The following CHP2 variants were observed in gnomAD, a reference collection of about 807,000 sequenced individuals.
The protein encoded by CHP2 is calcineurin like EF-hand protein 2.
A neutral mutation model predicts 24.7 loss-of-function variants in CHP2; 31 were observed. That is an observed-to-expected ratio of 1.26 (90% CI 0.94 to 1.69). CHP2 has a LOEUF of 1.69. Among genes scored for constraint, CHP2 ranks in the 40% most tolerant of loss-of-function variants. The probability of loss-of-function intolerance (pLI) is 0.00; values close to 1 mark genes in which losing one functional copy is unlikely to be tolerated. For missense variants in CHP2, 319 were observed against 261.5 expected, an observed-to-expected ratio of 1.22 and a Z score of -1.52; for synonymous variants, 97 against 99.1, an observed-to-expected ratio of 0.98 and a Z score of 0.13.
In CHP2 at chr16:23,755,121, G is replaced by T; in HGVS notation, c.67+5G>T. ...GTATTCGGCGAGAGACCGGCTGTGA[G>T]TGCGCCCGCGTCGGCGGCTGCGGAG... On this transcript the variant is annotated splice_donor_5th_base_variant and intron_variant, in intron 1 of 6. Coordinates refer to ENST00000300113, the MANE Select transcript of CHP2 (RefSeq NM_022097.4). 6.3e-7 allele frequency: 1 copy of T among 1,597,330 alleles called. No homozygotes were observed. The highest frequency in any genetic ancestry group is 1.4e-5 in the African/African-American group (1 of 73,684).
At position 23,756,083 on chromosome 16, in the gene CHP2, C is replaced by T; in HGVS notation, c.242C>T (p.Pro81Leu). Residue 81 changes from proline (P) to leucine (L), a missense_variant, in exon 4 of 7, where the codon CCA becomes CTA. Pro to Leu is a moderately conservative substitution (Grantham distance 98). Transcript: ENST00000300113. ...FPDGSQRVDF[P>L]GFVRVLAHFR... ...CCCAGGAGCCAGCGAGTGGATTTCC[C>T]AGGCTTTGTCAGGGTCTTGGCTCAT... The T allele has an allele frequency of 3.1e-6, 5 of 1,614,106 alleles. No homozygotes were observed. The highest frequency in any genetic ancestry group is 2.2e-5 in the East Asian group (1 of 44,884).
rs754678193 is a variant in CHP2, at chr16:23,755,851, A to G, written c.145A>G (p.Met49Val). The G allele has an allele frequency of 7.4e-6, 12 of 1,614,032 alleles. No individual in the cohort carries two copies. In the South Asian group the frequency reaches 1.3e-4, roughly 18 times the overall value. The part of the protein sequence containing the change: ...DRNKKGYLSR[M>V]DLQQIGALAV... ...CTTTGAAATTTGGCTTTGCAGCCGC[A>G]TGGATCTCCAGCAGATAGGGGCGCT... The change falls in exon 3 of 7, where the codon ATG (methionine) becomes GTG (valine). Residue 49 changes from methionine (M) to valine (V), a missense_variant. Physicochemically the swap from Met to Val is conservative, Grantham distance 21. Coordinates refer to ENST00000300113, the MANE Select transcript of CHP2 (RefSeq NM_022097.4).
Position 23,755,644 on chromosome 16 carries a change from C to T in CHP2, c.68-17C>T. On this transcript the variant is annotated splice_polypyrimidine_tract_variant and intron_variant, in intron 1 of 6. Transcript: ENST00000300113. Reference sequence around the variant, plus strand: ...CCTGCAGAGTCACACACCCCCACCCCACTCTCCTTCCCGCAGTCTCCCAAG... The same window carrying T: ...CCTGCAGAGTCACACACCCCCACCCTACTCTCCTTCCCGCAGTCTCCCAAG... 6.2e-7 allele frequency: 1 copy of T among 1,612,658 alleles called. No individual in the cohort carries two copies. Among genetic ancestry groups the T allele is most frequent in the South Asian group, 1.1e-5 (1 of 91,064 alleles).
intron 2 of CHP2, 32 bp downstream of exon 2, chr16:23,755,765 C>A (rs766102117): frequency 6.2e-7 from 1 of 1,613,154 alleles, no homozygotes. Context: ...AACTTCTGGC[C>A]TCTGTCTCTC....
Position 23,757,327 on chromosome 16 carries a change from A to G in CHP2, c.537+4A>G. On this transcript the variant is annotated splice_donor_region_variant and intron_variant, in intron 6 of 6. Transcript: ENST00000300113. ...GTCCTTCGTGGAGTTCACCAAGGTC[A>G]GAGTGCCCTTGGGGATTGGGGAGTT... 1 of 1,609,118 alleles carries G rather than the reference A, an allele frequency of 6.2e-7. No homozygotes were observed. Among genetic ancestry groups the G allele is most frequent in the South Asian group, 1.1e-5 (1 of 90,434 alleles).
chr16:23,755,163 AG>A, intron 1 of CHP2, 47 bp downstream of exon 1: 1 of 1,439,632 alleles, frequency 6.9e-7, no homozygotes, highest in Non-Finnish European at 9.6e-7. Context: ...GGGCGAACCC[AG>A]GCGTCTGGGG....
intron 4 of CHP2, 89 bp from the exon 5 acceptor site, chr16:23,756,299 C>G (rs1003991440): frequency 1.9e-6 from 3 of 1,584,762 alleles, no homozygotes; most frequent in Admixed American, 1.7e-5. Context: ...CAACCTCCCC[C>G]CTCCTCCAAG....
At chr16:23,756,354 C>A in intron 4 of CHP2, 34 bp from the exon 5 acceptor site, 1 of 1,603,508 alleles carries the variant, frequency 6.2e-7, no homozygotes, top group Non-Finnish European at 8.5e-7. Flanking sequence ...CAGGGAAGAC[C>A]TACCTTCCTT....
rs1038806608 is a variant in CHP2, at chr16:23,758,221, C to T, written c.*638C>T. 3 of 153,162 alleles carry T rather than the reference C, an allele frequency of 2.0e-5. No homozygotes were observed. The highest frequency in any genetic ancestry group is 4.4e-5 in the Non-Finnish European group (3 of 68,700). The allele number at this position is 153,162 out of a possible 1,614,324, so 9.5% of individuals were successfully genotyped here. A position where few individuals can be genotyped will look rare whatever the true frequency, so the allele number is the denominator to read the frequency against. On this transcript the variant is annotated 3_prime_UTR_variant, in exon 7 of 7. Transcript: ENST00000300113. ...CCCGGTTCCTAACAGACCACAGACC[C>T]CACACCAGGTCTATCTCATTTGGTC...
intron 2 of CHP2, 44 bp downstream of exon 2, chr16:23,755,777 G>A: frequency 6.2e-7 from 1 of 1,613,384 alleles, no homozygotes; most frequent in Admixed American, 1.7e-5. Context: ...CTGTCTCTCT[G>A]ACTCCATGTC....
chr16:23,757,406 C>A, intron 6 of CHP2, 83 bp downstream of exon 6: 1 of 1,585,862 alleles, frequency 6.3e-7, no homozygotes, highest in African/African-American at 1.3e-5. Context: ...CGGAGGAGGG[C>A]GGAAAGATAG....
At position 23,755,899 on chromosome 16, in the gene CHP2, C is replaced by G. The variant is rs267604473; in HGVS notation, c.193C>G (p.Arg65Gly). ...GALAVNPLGD[R>G]IIESFFPDGS... ...GCTCGCCGTGAACCCCCTGGGAGAC[C>G]GAATTATAGAAAGCTTCTTCCCCGA... The change falls in exon 3 of 7, where the codon CGA (arginine) becomes GGA (glycine). Residue 65 changes from arginine (R) to glycine (G), a missense_variant. By Grantham distance (125) the Arg-to-Gly change is moderately radical. Transcript: ENST00000300113. The G allele has an allele frequency of 6.2e-7, 1 of 1,614,022 alleles. No individual in the cohort carries two copies. The highest frequency in any genetic ancestry group is 1.1e-5 in the South Asian group (1 of 91,090).
chr16:23,756,615 T>C (rs1290702831), intron 5 of CHP2, among the ~76,000 whole-genome samples, 166 bp downstream of exon 5: 1 of 151,488 alleles, frequency 6.6e-6, no homozygotes, highest in East Asian at 1.9e-4. Flanking sequence ...TTGTTGGGAG[T>C]CGGAGTGGGG....
Position 23,756,380 on chromosome 16 carries a change from C to T in CHP2, c.353-8C>T. 1.2e-6 allele frequency: 2 copies of T among 1,611,764 alleles called. No individual in the cohort carries two copies. Among genetic ancestry groups the T allele is most frequent in the Non-Finnish European group, 1.7e-6 (2 of 1,178,170 alleles). On this transcript the variant is annotated splice_region_variant and splice_polypyrimidine_tract_variant and intron_variant, in intron 4 of 6. Transcript: ENST00000300113. The stretch of plus-strand genomic sequence containing the variant: ...TACCTTCCTTTCCCCCTCCCACCCT[C>T]TCCCCAGATGCATTTCAGCTCTATG...
At position 23,756,208 on chromosome 16, in the gene CHP2, A is replaced by G; in HGVS notation, c.352+15A>G. ...CAAACTTCACTGTGAGTTTGTGAGGACCTGCACAAGTGAGAATGCAGATGT... is the reference window on the plus strand; with the variant it reads ...CAAACTTCACTGTGAGTTTGTGAGGGCCTGCACAAGTGAGAATGCAGATGT... On this transcript the variant is annotated intron_variant, in intron 4 of 6. Transcript: ENST00000300113. The G allele has an allele frequency of 6.2e-7, 1 of 1,613,560 alleles. No homozygotes were observed. Among genetic ancestry groups the G allele is most frequent in the Non-Finnish European group, 8.5e-7 (1 of 1,179,988 alleles).
chr16:23,757,133 G>T, intron 5 of CHP2, 68 bp from the exon 6 acceptor site: 3 of 1,594,938 alleles, frequency 1.9e-6, no homozygotes, highest in Non-Finnish European at 2.6e-6. Flanking sequence ...GGTGGGCAAG[G>T]TTTAGGAGAT....
intron 1 of CHP2, 43 bp from the exon 2 acceptor site, chr16:23,755,618 C>G (rs761641494): frequency 1.3e-6 from 2 of 1,566,850 alleles, no homozygotes; most frequent in Non-Finnish European, 8.8e-7. Context: ...CTGGAGCTGG[C>G]CCTGCAGAGT....
At chr16:23,756,313 G>A (rs1345091372) in intron 4 of CHP2, 75 bp from the exon 5 acceptor site, 20 of 1,587,020 alleles carry the variant, frequency 1.3e-5, no homozygotes, top group Non-Finnish European at 1.7e-5. Flanking sequence ...CTCCAAGGTG[G>A]GGGGAAGGAA....
intron 5 of CHP2, 30 bp downstream of exon 5, chr16:23,756,479 A>T (rs1567268243): frequency 1.3e-6 from 2 of 1,584,976 alleles, no homozygotes; most frequent in African/African-American, 2.7e-5. Flanking sequence ...AAGAGATGTG[A>T]TGTGTGAAGG....
Sources: allele counts gnomAD v4.1 joint callset (sites outside exome capture counted in the v4.1 genomes callset), GRCh38; gene constraint gnomAD v4.1.1; transcripts MANE v1.5; gene names NCBI Gene and HGNC (gene_info 2026-07-23, HGNC 2026-07-21).